Variants in AQP11 observed in about 807,000 individuals in gnomAD.
The protein encoded by AQP11 is aquaporin-11.
In AQP11, 20 loss-of-function variants were observed where a neutral mutation model predicts 21.1. The observed-to-expected ratio is 0.95, with a 90% CI of 0.67 to 1.38. AQP11 has a LOEUF of 1.38. Among genes scored for constraint, AQP11 ranks in the 40% most tolerant of loss-of-function variants. The probability of loss-of-function intolerance (pLI) is 0.00; values close to 1 mark genes in which losing one functional copy is unlikely to be tolerated. For synonymous variants in AQP11, 167 were observed against 150.1 expected, an observed-to-expected ratio of 1.11 and a Z score of -0.82; for missense variants, 339 against 340.4, an observed-to-expected ratio of 1.00 and a Z score of 0.03.
At position 77,609,571 on chromosome 11, in the gene AQP11, AGTT is replaced by A. The variant is rs2135753454; in HGVS notation, c.*195_*197del. 4.8e-6 allele frequency: 2 copies of A among 419,544 alleles called. No individual in the cohort carries two copies. Among genetic ancestry groups the A allele is most frequent in the African/African-American group, 4.0e-5 (2 of 49,660 alleles). 26.0% of individuals were successfully genotyped at this position (419,544 alleles called of 1,614,324 possible). ...GAAAATGAGGTATTCTGTACTTCTC[AGTT>A]AAGACTTGTTCTTTGAGTGATGTAT... is the stretch of plus-strand genomic sequence containing the variant. On this transcript the variant is annotated 3_prime_UTR_variant, in exon 3 of 3. Transcript: ENST00000313578.
chr11:77,601,723 T>A (rs1407454156), intron 1 of AQP11, among the ~76,000 whole-genome samples: 1 of 152,224 alleles, frequency 6.6e-6, no homozygotes, highest in Non-Finnish European at 1.5e-5. Context: ...ATCTCTCATA[T>A]AGCTGCATTC....
intron 1 of AQP11, among the ~76,000 whole-genome samples, chr11:77,592,728 T>C (rs1240683485): frequency 6.6e-6 from 1 of 152,254 alleles, no homozygotes; most frequent in Non-Finnish European, 1.5e-5. Context: ...ATTAGAAGTA[T>C]CTATAAAATA....
chr11:77,590,334 C>CTGT lies in AQP11; in HGVS notation c.342_343insTGT (p.Pro114_Glu115insCys). 6.2e-7 allele frequency: 1 copy of CTGT among 1,610,796 alleles called. No individual in the cohort carries two copies. The highest frequency in any genetic ancestry group is 8.5e-7 in the Non-Finnish European group (1 of 1,177,524). On this transcript the variant is annotated inframe_insertion, in exon 1 of 3. Transcript: ENST00000313578. The stretch of plus-strand genomic sequence containing the variant: ...AGATGATGCTGGGGGGCATGTCCCC[C>CTGT]GAGACGGGTGCGGTGAGGCTATTGG...
At chr11:77,604,963 G>A (rs890807756) in intron 2 of AQP11, among the ~76,000 whole-genome samples, 5 of 152,192 alleles carry the variant, frequency 3.3e-5, no homozygotes, top group Admixed American at 3.3e-4. Flanking sequence ...GGAGGCCGAG[G>A]CAGGCAGATC....
At position 77,609,312 on chromosome 11, in the gene AQP11, A is replaced by G; in HGVS notation, c.751A>G (p.Ile251Val). The G allele has an allele frequency of 2.5e-6, 4 of 1,612,462 alleles. No homozygotes were observed. Among genetic ancestry groups the G allele is most frequent in the Non-Finnish European group, 3.4e-6 (4 of 1,179,360 alleles). Reference protein sequence around the residue: ...LAPSLGILLMILMFSFFLPWL... With the variant: ...LAPSLGILLMVLMFSFFLPWL... ...TTGTCTTTCAGGTATATTGTTGATG[A>G]TTTTGATGTTCAGCTTTTTCCTTCC... The change falls in exon 3 of 3, where the codon ATT becomes GTT. Residue 251 changes from isoleucine to valine, a missense_variant. Coordinates refer to ENST00000313578, the MANE Select transcript of AQP11 (RefSeq NM_173039.3).
intron 1 of AQP11, among the ~76,000 whole-genome samples, chr11:77,595,952 CAAA>C (rs200559957): frequency 7.1e-6 from 1 of 140,554 alleles, no homozygotes; most frequent in South Asian, 2.3e-4. Context: ...GACTCAGTGT[CAAA>C]AAAAAAAGAG....
intron 1 of AQP11, among the ~76,000 whole-genome samples, chr11:77,591,945 A>G (rs1022338452): frequency 1.3e-5 from 2 of 152,064 alleles, no homozygotes; most frequent in African/African-American, 4.8e-5. Flanking sequence ...CTTTTTAAGT[A>G]GACATAAATG....
intron 1 of AQP11, among the ~76,000 whole-genome samples, chr11:77,601,870 C>A (rs576812398): frequency 6.6e-6 from 1 of 152,206 alleles, no homozygotes; most frequent in Non-Finnish European, 1.5e-5. Flanking sequence ...AGCAAACTTA[C>A]ATGGTCAGGG....
At chr11:77,605,918 C>CT (rs1262383538) in intron 2 of AQP11, among the ~76,000 whole-genome samples, 82 of 151,796 alleles carry the variant, frequency 5.4e-4, no homozygotes, top group South Asian at 1.0e-3. Flanking sequence ...TGATGGGTGC[C>CT]TGTAATCCCA....
At chr11:77,590,644 C>T (rs2276416) in intron 1 of AQP11, 33 bp downstream of exon 1, 183,836 of 1,588,628 alleles carry the variant, frequency 0.12, 11,730 homozygotes, top group Admixed American at 0.22. Flanking sequence ...TTGGCACTTC[C>T]AGAGCCTCTA....
intron 2 of AQP11, among the ~76,000 whole-genome samples, chr11:77,608,781 T>C (rs1958860844): frequency 1.3e-5 from 2 of 152,202 alleles, no homozygotes. Context: ...ATAGTTGAGA[T>C]TAATGAAAAA....
intron 2 of AQP11, among the ~76,000 whole-genome samples, chr11:77,608,587 T>C (rs1217749994): frequency 1.3e-5 from 2 of 152,222 alleles, no homozygotes; most frequent in Non-Finnish European, 2.9e-5. Context: ...CACTCCAGCC[T>C]GGGCGAAAGA....
chr11:77,603,738 C>T, intron 2 of AQP11, 66 bp downstream of exon 2: 1 of 1,149,070 alleles, frequency 8.7e-7, no homozygotes, highest in Non-Finnish European at 1.2e-6. Flanking sequence ...ATGTGTATAT[C>T]ATTGTAACAT....
At position 77,609,303 on chromosome 11, in the gene AQP11, T is replaced by G; in HGVS notation, c.742T>G (p.Leu248Val). The G allele has an allele frequency of 6.2e-7, 1 of 1,612,030 alleles. No individual in the cohort carries two copies. Among genetic ancestry groups the G allele is most frequent in the Non-Finnish European group, 8.5e-7 (1 of 1,178,844 alleles). ...VYWLAPSLGI[L>V]LMILMFSFFL... ...TACTGTATTTTGTCTTTCAGGTATA[T>G]TGTTGATGATTTTGATGTTCAGCTT... The change falls in exon 3 of 3, where the codon TTG (leucine) becomes GTG (valine). Residue 248 changes from leucine (L) to valine (V), a missense_variant. Coordinates refer to ENST00000313578, the MANE Select transcript of AQP11 (RefSeq NM_173039.3).
chr11:77,603,788 G>A, intron 2 of AQP11, 116 bp downstream of exon 2: 2 of 717,878 alleles, frequency 2.8e-6, no homozygotes, highest in African/African-American at 3.6e-5. Flanking sequence ...AACAGAAAAT[G>A]AAAAAGGTAG....
chr11:77,599,958 TTTAC>T (rs1304134352), intron 1 of AQP11, among the ~76,000 whole-genome samples: 1 of 151,820 alleles, frequency 6.6e-6, no homozygotes, highest in Non-Finnish European at 1.5e-5. Context: ...ATTACTGTTA[TTTAC>T]TTATTTATTT....
intron 1 of AQP11, chr11:77,590,893 T>C: frequency 1.0e-6 from 1 of 985,456 alleles, no homozygotes; most frequent in Non-Finnish European, 1.2e-6. Context: ...ACAAAGGGAT[T>C]GTTTTAATGG....
intron 1 of AQP11, among the ~76,000 whole-genome samples, chr11:77,595,657 C>T (rs1958774014): frequency 6.6e-6 from 1 of 152,208 alleles, no homozygotes; most frequent in Middle Eastern, 3.2e-3. Context: ...CAGGATGGCT[C>T]ACGCCTGTAA....
At chr11:77,593,648 A>C (rs190727867) in intron 1 of AQP11, among the ~76,000 whole-genome samples, 379 of 152,236 alleles carry the variant, frequency 2.5e-3, no homozygotes, top group African/African-American at 6.9e-3. Flanking sequence ...CCGTCTCAAA[A>C]AAAAACAAAA....
Sources: gnomAD v4.1 joint callset for allele counts (sites outside exome capture counted in the v4.1 genomes callset) on GRCh38, gnomAD v4.1.1 for gene constraint, MANE v1.5 for transcripts, NCBI Gene and HGNC (gene_info 2026-07-23, HGNC 2026-07-21) for gene names.